Variants in PKN2 observed in about 807,000 individuals in gnomAD.
The protein encoded by PKN2 is protein kinase N2, also known as serine/threonine-protein kinase N2.
Under a neutral mutation model 119.1 loss-of-function variants are expected in PKN2, and 38 were observed. That is an observed-to-expected ratio of 0.32 (90% CI 0.25 to 0.42). The LOEUF is 0.42. Among genes scored for constraint, PKN2 ranks in the 10% least tolerant of loss-of-function variants. PKN2 has a pLI of 1.00. For synonymous variants in PKN2, 390 were observed against 384.9 expected, an observed-to-expected ratio of 1.01 and a Z score of -0.15; for missense variants, 850 against 1,165.1, an observed-to-expected ratio of 0.73 and a Z score of 3.94.
At chr1:88,819,935 T>A (rs1406813479) in intron 16 of PKN2, among the ~76,000 whole-genome samples, 1 of 151,048 alleles carries the variant, frequency 6.6e-6, no homozygotes, top group African/African-American at 2.4e-5. Context: ...AATGTTCTCA[T>A]AAGTGGGAGT....
Position 88,804,927 on chromosome 1 carries a change from T to C in PKN2, c.1501+6T>C, listed in dbSNP as rs926898574. 1.9e-5 allele frequency: 26 copies of C among 1,346,492 alleles called. No individual in the cohort carries two copies. Among genetic ancestry groups the C allele is most frequent in the Non-Finnish European group, 2.6e-5 (25 of 949,932 alleles). The allele number at this position is 1,346,492 out of a possible 1,614,324, so 83.4% of individuals were successfully genotyped here. A position where few individuals can be genotyped will look rare whatever the true frequency, so the allele number is the denominator to read the frequency against. ...AATTTTTTCAAAGCAACAAGGTAAT[T>C]ACTAACAATCAAATGCATAGCATTT... On this transcript the variant is annotated splice_donor_region_variant and intron_variant, in intron 10 of 21. Coordinates refer to ENST00000370521, the MANE Select transcript of PKN2 (RefSeq NM_006256.4).
At chr1:88,781,420 A>G (rs1670340484) in intron 6 of PKN2, among the ~76,000 whole-genome samples, 1 of 152,118 alleles carries the variant, frequency 6.6e-6, no homozygotes, top group South Asian at 2.1e-4. Flanking sequence ...AATTAGTGAA[A>G]TAGGTATAAA....
At chr1:88,814,111 CAT>C (rs1325407664) in intron 16 of PKN2, among the ~76,000 whole-genome samples, 1 of 151,922 alleles carries the variant, frequency 6.6e-6, no homozygotes, top group Non-Finnish European at 1.5e-5. Flanking sequence ...GAGTCTGTAT[CAT>C]ATATTTATAT....
chr1:88,784,584 G>A, intron 6 of PKN2, 55 bp from the exon 7 acceptor site: 1 of 1,094,534 alleles, frequency 9.1e-7, no homozygotes, highest in Non-Finnish European at 1.3e-6. Flanking sequence ...TTTAGATTAA[G>A]GATTCCATAG....
chr1:88,820,224 A>G (rs1352222637), intron 16 of PKN2, among the ~76,000 whole-genome samples: 1 of 109,606 alleles, frequency 9.1e-6, no homozygotes, highest in African/African-American at 4.5e-5. Flanking sequence ...ATATATATAT[A>G]TATATATATA....
chr1:88,807,847 A>G, intron 15 of PKN2, 72 bp downstream of exon 15: 1 of 810,414 alleles, frequency 1.2e-6, no homozygotes, highest in Non-Finnish European at 2.0e-6. Flanking sequence ...ATGTATTACA[A>G]CAGCAAAACT....
At chr1:88,684,899 G>C (rs946910158) in intron 1 of PKN2, 1 of 385,906 alleles carries the variant, frequency 2.6e-6, no homozygotes, top group Admixed American at 4.6e-5. Flanking sequence ...CTGCTGCAGC[G>C]GGAGCCTGCT....
chr1:88,802,237 T>C (rs759003800), intron 8 of PKN2, among the ~76,000 whole-genome samples: 3 of 152,188 alleles, frequency 2.0e-5, no homozygotes, highest in Non-Finnish European at 2.9e-5. Context: ...AAAACTTTAA[T>C]GTAGAGTATA....
At chr1:88,745,565 A>G (rs1039581998) in intron 2 of PKN2, among the ~76,000 whole-genome samples, 6 of 152,174 alleles carry the variant, frequency 3.9e-5, no homozygotes, top group Non-Finnish European at 7.4e-5. Context: ...AGCTCTATAT[A>G]GAAAACGATG....
chr1:88,732,730 C>T (rs1022730788), intron 1 of PKN2, among the ~76,000 whole-genome samples: 2 of 152,060 alleles, frequency 1.3e-5, no homozygotes, highest in African/African-American at 4.8e-5. Context: ...CAAAGAGAAA[C>T]ACTATTTTTA....
intron 6 of PKN2, among the ~76,000 whole-genome samples, chr1:88,777,283 C>T (rs1002519419): frequency 6.6e-6 from 1 of 151,918 alleles, no homozygotes; most frequent in African/African-American, 2.4e-5. Flanking sequence ...TATTGATGTT[C>T]TCTATTTGTA....
chr1:88,791,185 C>G (rs918177614), intron 8 of PKN2, among the ~76,000 whole-genome samples: 5 of 151,904 alleles, frequency 3.3e-5, no homozygotes, highest in African/African-American at 1.2e-4. Context: ...TGCCTGTAAA[C>G]CCAGCACTTC....
intron 2 of PKN2, among the ~76,000 whole-genome samples, chr1:88,742,622 T>A (rs1668619760): frequency 6.6e-6 from 1 of 152,106 alleles, no homozygotes; most frequent in African/African-American, 2.4e-5. Flanking sequence ...ATGTTATAAA[T>A]GGAAATAATG....
intron 1 of PKN2, among the ~76,000 whole-genome samples, chr1:88,730,057 C>T (rs1668078914): frequency 6.6e-6 from 1 of 151,864 alleles, no homozygotes; most frequent in Non-Finnish European, 1.5e-5. Context: ...CCCAGCTACT[C>T]CGGAGGCTGA....
chr1:88,684,899 G>A (rs946910158), intron 1 of PKN2: 5 of 386,022 alleles, frequency 1.3e-5, no homozygotes, highest in African/African-American at 4.2e-5. Context: ...CTGCTGCAGC[G>A]GGAGCCTGCT....
At chr1:88,738,065 ATTCTCT>A (rs1340176639) in intron 1 of PKN2, among the ~76,000 whole-genome samples, 5 of 152,230 alleles carry the variant, frequency 3.3e-5, no homozygotes, top group African/African-American at 1.2e-4. Context: ...TCTTCTCCAA[ATTCTCT>A]TTATCAGATA....
In PKN2 at chr1:88,813,709, A is replaced by G; in HGVS notation, c.2255A>G (p.Asp752Gly). ...GGDLMMHIHT[D>G]VFSEPRAVFY... ...GACCTAATGATGCACATTCATACTG[A>G]TGTCTTTTCTGAACCAAGAGCTGTG... The change falls in exon 16 of 22, where the codon GAT (aspartate) becomes GGT (glycine). Residue 752 changes from aspartate to glycine, a missense_variant. This residue lies in a region of PKN2 where 55 missense variants were observed against 85.9 expected (regional missense o/e 0.64). Transcript: ENST00000370521. 6.3e-7 allele frequency: 1 copy of G among 1,595,172 alleles called. No individual in the cohort carries two copies. The highest frequency in any genetic ancestry group is 8.5e-7 in the Non-Finnish European group (1 of 1,173,812).
At chr1:88,734,494 A>C (rs2100732275) in intron 1 of PKN2, among the ~76,000 whole-genome samples, 1 of 152,338 alleles carries the variant, frequency 6.6e-6, no homozygotes, top group East Asian at 1.9e-4. Flanking sequence ...TTTGTCAAGA[A>C]TTAATAAACT....
rs182284946 is a variant in PKN2 at position 88,818,785 on chromosome 1, A to G, written c.2280-3156A>G. 2.6e-4 allele frequency among the ~76,000 whole-genome samples: 40 copies of G among 152,306 alleles called. No homozygotes were observed. In the East Asian group the frequency reaches 7.3e-3, roughly 28 times the overall value. ...GCTACCTGATTTCAAACTATACTAC[A>G]AGACTGCAGCAACCAAAACACCATG... On this transcript the variant is annotated intron_variant, in intron 16 of 21. Coordinates refer to ENST00000370521, the MANE Select transcript of PKN2 (RefSeq NM_006256.4).
Sources: gnomAD v4.1 joint callset for allele counts (sites outside exome capture counted in the v4.1 genomes callset) on GRCh38, gnomAD v4.1.1 for gene constraint, gnomAD v4.1.1 regional missense constraint, MANE v1.5 for transcripts, NCBI Gene and HGNC (gene_info 2026-07-23, HGNC 2026-07-21) for gene names.